GARRE1: variants seen among roughly 807,000 people sequenced by gnomAD.
GARRE1 encodes granule associated Rac and RHOG effector 1.
A neutral mutation model predicts 103.2 loss-of-function variants in GARRE1; 49 were observed. The observed-to-expected ratio is 0.47, with a 90% CI of 0.38 to 0.60. The LOEUF is 0.60. GARRE1 is among the 20% of genes least tolerant of loss of function. The probability of loss-of-function intolerance (pLI) is 0.00; values close to 1 mark genes in which losing one functional copy is unlikely to be tolerated. For synonymous variants in GARRE1, 505 were observed against 532.8 expected, an observed-to-expected ratio of 0.95 and a Z score of 0.72; for missense variants, 1,199 against 1,370.5, an observed-to-expected ratio of 0.87 and a Z score of 1.98.
intron 2 of GARRE1, among the ~76,000 whole-genome samples, chr19:34,303,761 G>A (rs2073992969): frequency 6.6e-6 from 1 of 151,828 alleles, no homozygotes; most frequent in African/African-American, 2.4e-5. Flanking sequence ...GATTACAGGC[G>A]CCCACCACCA....
intron 7 of GARRE1, 25 bp from the exon 8 acceptor site, chr19:34,333,679 T>TTG: frequency 1.1e-6 from 1 of 896,652 alleles, no homozygotes; most frequent in Non-Finnish European, 1.6e-6. Context: ...TGTTATTTGT[T>TTG]TTTTTTTTTT....
intron 8 of GARRE1, among the ~76,000 whole-genome samples, chr19:34,336,229 G>A (rs990698568): frequency 3.3e-5 from 5 of 152,046 alleles, no homozygotes; most frequent in African/African-American, 9.7e-5. Context: ...GGGCTCAAGC[G>A]ATCCCCCTGC....
chr19:34,311,423 G>A (rs1182879342), intron 2 of GARRE1, among the ~76,000 whole-genome samples: 2 of 152,072 alleles, frequency 1.3e-5, no homozygotes, highest in African/African-American at 4.8e-5. Context: ...TCCAGTGCGT[G>A]CAGAATGACT....
chr19:34,268,824 T>C (rs2073768273), intron 1 of GARRE1, among the ~76,000 whole-genome samples: 3 of 152,136 alleles, frequency 2.0e-5, no homozygotes, highest in Non-Finnish European at 4.4e-5. Context: ...AGAAATTGAA[T>C]ATGTGGTGAT....
intron 2 of GARRE1, among the ~76,000 whole-genome samples, chr19:34,307,707 TTA>T (rs869171660): frequency 0.017 from 1,159 of 68,338 alleles, 5 homozygotes; most frequent in Non-Finnish European, 0.039. Flanking sequence ...ACATATATAC[TTA>T]TATATATACT....
intron 1 of GARRE1, among the ~76,000 whole-genome samples, chr19:34,259,651 A>G (rs2073702258): frequency 6.6e-6 from 1 of 152,018 alleles, no homozygotes; most frequent in Admixed American, 6.6e-5. Context: ...GGAAATGATG[A>G]AGTTTTTTTT....
chr19:34,317,713 T>C (rs1017766811), intron 2 of GARRE1, among the ~76,000 whole-genome samples: 1 of 152,186 alleles, frequency 6.6e-6, no homozygotes, highest in Admixed American at 6.5e-5. Flanking sequence ...TGACAAAATT[T>C]TGTAGCCTTT....
intron 1 of GARRE1, among the ~76,000 whole-genome samples, chr19:34,281,546 C>G (rs2073853646): frequency 6.6e-6 from 1 of 152,160 alleles, no homozygotes; most frequent in African/African-American, 2.4e-5. Context: ...GCCTCTGCCT[C>G]CCAAAGTGCT....
chr19:34,287,676 CA>C (rs905952747), intron 1 of GARRE1, among the ~76,000 whole-genome samples: 1 of 152,124 alleles, frequency 6.6e-6, no homozygotes, highest in African/African-American at 2.4e-5. Flanking sequence ...CTCACAGTTC[CA>C]AAGTCTGGAG....
At chr19:34,259,025 A>T (rs192513221) in intron 1 of GARRE1, among the ~76,000 whole-genome samples, 11 of 152,138 alleles carry the variant, frequency 7.2e-5, no homozygotes, top group African/African-American at 2.4e-4. Flanking sequence ...AAAATTATCT[A>T]GGTGTGGTGG....
At chr19:34,307,026 G>A (rs1451915194) in intron 2 of GARRE1, among the ~76,000 whole-genome samples, 1 of 152,144 alleles carries the variant, frequency 6.6e-6, no homozygotes, top group Non-Finnish European at 1.5e-5. Flanking sequence ...CCAGGCGGAG[G>A]GAGCGCCGAG....
At chr19:34,273,708 C>T (rs1169711962) in intron 1 of GARRE1, among the ~76,000 whole-genome samples, 2 of 152,098 alleles carry the variant, frequency 1.3e-5, no homozygotes, top group Non-Finnish European at 2.9e-5. Context: ...GGTGTTACGG[C>T]AGCAGAGGAA....
At chr19:34,296,938 T>C (rs901451507) in intron 1 of GARRE1, among the ~76,000 whole-genome samples, 1 of 152,144 alleles carries the variant, frequency 6.6e-6, no homozygotes, top group East Asian at 1.9e-4. Flanking sequence ...GCACTACCAC[T>C]CCTGGCTTCC....
At chr19:34,337,818 T>C (rs761632061) in intron 8 of GARRE1, among the ~76,000 whole-genome samples, 1 of 152,264 alleles carries the variant, frequency 6.6e-6, no homozygotes, top group Non-Finnish European at 1.5e-5. Context: ...TACTCTTTTC[T>C]ACATGGCCAA....
chr19:34,328,763 A>G (rs2074124531), intron 6 of GARRE1, among the ~76,000 whole-genome samples: 1 of 151,956 alleles, frequency 6.6e-6, no homozygotes, highest in African/African-American at 2.4e-5. Context: ...ATGTGCCACC[A>G]AGCCTGGCTA....
intron 1 of GARRE1, among the ~76,000 whole-genome samples, chr19:34,261,128 T>TAGA (rs1408595746): frequency 6.6e-6 from 1 of 152,164 alleles, no homozygotes; most frequent in Non-Finnish European, 1.5e-5. Context: ...ACCATCTGAG[T>TAGA]AGAAGATAGC....
At chr19:34,284,769 A>G (rs1249649622) in intron 1 of GARRE1, among the ~76,000 whole-genome samples, 1 of 152,244 alleles carries the variant, frequency 6.6e-6, no homozygotes, top group African/African-American at 2.4e-5. Context: ...TTTTAAGAAA[A>G]TACGGAAAAG....
intron 3 of GARRE1, among the ~76,000 whole-genome samples, chr19:34,324,890 A>G (rs2074104844): frequency 1.3e-5 from 2 of 152,166 alleles, no homozygotes; most frequent in Non-Finnish European, 2.9e-5. Flanking sequence ...GAATGTATCT[A>G]TACATAAGGT....
intron 2 of GARRE1, among the ~76,000 whole-genome samples, chr19:34,310,736 C>G (rs967206223): frequency 2.6e-5 from 4 of 152,190 alleles, no homozygotes; most frequent in Admixed American, 2.6e-4. Context: ...GTGATGAGTG[C>G]TGTGATGCAG....
Sources: allele counts gnomAD v4.1 joint callset (sites outside exome capture counted in the v4.1 genomes callset), GRCh38; gene constraint gnomAD v4.1.1; transcripts MANE v1.5; gene names NCBI Gene and HGNC (gene_info 2026-07-23, HGNC 2026-07-21).